Variants in NEIL3 observed in about 807,000 individuals in gnomAD.
NEIL3 encodes the protein endonuclease 8-like 3.
In NEIL3, 48 loss-of-function variants were observed where a neutral mutation model predicts 57.5. That is an observed-to-expected ratio of 0.83 (90% CI 0.66 to 1.06). The LOEUF (loss-of-function observed/expected upper bound fraction) is 1.06, where lower values mean the gene tolerates loss of function less well. Among genes scored for constraint, NEIL3 ranks in the 50% least tolerant of loss-of-function variants. The probability of loss-of-function intolerance (pLI) is 0.00; values close to 1 mark genes in which losing one functional copy is unlikely to be tolerated. For synonymous variants in NEIL3, 261 were observed against 253.2 expected, an observed-to-expected ratio of 1.03 and a Z score of -0.29; for missense variants, 717 against 739.1, an observed-to-expected ratio of 0.97 and a Z score of 0.35.
Position 177,362,372 on chromosome 4 carries a change from A to G in NEIL3, c.1719A>G (p.Gly573=). The G allele has an allele frequency of 1.2e-6, 2 of 1,613,850 alleles. No individual in the cohort carries two copies. The highest frequency in any genetic ancestry group is 2.2e-5 in the East Asian group (1 of 44,852). Residue 573 remains glycine, a synonymous_variant, in exon 10 of 10, where the codon GGA becomes GGG. Coordinates refer to ENST00000264596, the MANE Select transcript of NEIL3 (RefSeq NM_018248.3). ...KTVLKIGPNN[G]KNFFVCPLGK... Reference sequence around the variant, plus strand: ...TATTGAAGATTGGACCTAACAATGGAAAGAATTTTTTTGTGTGTCCTCTTG... The same window carrying G: ...TATTGAAGATTGGACCTAACAATGGGAAGAATTTTTTTGTGTGTCCTCTTG...
At chr4:177,330,946 A>G (rs370871930) in intron 2 of NEIL3, among the ~76,000 whole-genome samples, 84 of 152,324 alleles carry the variant, frequency 5.5e-4, no homozygotes, top group African/African-American at 1.9e-3. Flanking sequence ...GCTCACATAT[A>G]AACACTATGA....
rs138880296 is a variant in NEIL3, at chr4:177,347,125, C to T, written c.870-4255C>T. Among the ~76,000 whole-genome samples the T allele has an allele frequency of 2.2e-3, 337 of 152,126 alleles. 3 individuals carry two copies. Among genetic ancestry groups the T allele is most frequent in the Non-Finnish European group, 3.7e-3 (255 of 68,020 alleles). ...CCACAGTAGCGGATAGTGACGGAGA[C>T]GGCTCATTTTTGATAGGGTAGCAGA... On this transcript the variant is annotated intron_variant, in intron 6 of 9. Coordinates refer to ENST00000264596, the MANE Select transcript of NEIL3 (RefSeq NM_018248.3).
intron 8 of NEIL3, among the ~76,000 whole-genome samples, chr4:177,355,457 CTG>C (rs1212159923): frequency 6.6e-6 from 1 of 152,102 alleles, no homozygotes; most frequent in Non-Finnish European, 1.5e-5. Context: ...AATATAAAGG[CTG>C]TGTAAATAAT....
chr4:177,359,392 A>T (rs1164539147), intron 8 of NEIL3, among the ~76,000 whole-genome samples: 1 of 152,228 alleles, frequency 6.6e-6, no homozygotes, highest in Non-Finnish European at 1.5e-5. Flanking sequence ...AATGAATTTC[A>T]GTCCATTTAA....
At chr4:177,332,756 A>G (rs1304184885) in intron 2 of NEIL3, among the ~76,000 whole-genome samples, 5 of 152,104 alleles carry the variant, frequency 3.3e-5, no homozygotes, top group Admixed American at 1.3e-4. Flanking sequence ...AAAATTTTGC[A>G]GTTTTCTGCT....
chr4:177,326,880 G>A (rs1252560231), intron 2 of NEIL3, among the ~76,000 whole-genome samples: 2 of 151,948 alleles, frequency 1.3e-5, no homozygotes, highest in Non-Finnish European at 2.9e-5. Flanking sequence ...TGTGTATATT[G>A]ACCTTGTATC....
chr4:177,360,575 C>T lies in NEIL3; in HGVS notation c.1533C>T (p.Asn511=). 1 of 1,614,046 alleles carries T rather than the reference C, an allele frequency of 6.2e-7. No individual in the cohort carries two copies. The highest frequency in any genetic ancestry group is 8.5e-7 in the Non-Finnish European group (1 of 1,179,910). ...NPDSPRCSKH[N]RLCILRVVGK... The stretch of plus-strand genomic sequence containing the variant: ...ACAGCCCTCGCTGCAGTAAACACAA[C>T]CGCCTCTGCATTCTCCGAGTTGTGG... The change falls in exon 9 of 10, where the codon AAC becomes AAT. Residue 511 remains asparagine, a synonymous_variant. Transcript: ENST00000264596.
intron 1 of NEIL3, among the ~76,000 whole-genome samples, chr4:177,315,145 G>C (rs1040394754): frequency 6.6e-6 from 1 of 151,410 alleles, no homozygotes; most frequent in Admixed American, 6.6e-5. Context: ...GAGTATGAAA[G>C]TAAATATGGT....
In NEIL3 at chr4:177,341,523, G is replaced by A; in HGVS notation, c.750G>A (p.Lys250=). Residue 250 remains lysine, a synonymous_variant, in exon 6 of 10, where the codon AAG becomes AAA. Transcript: ENST00000264596. The part of the protein sequence containing the change: ...LALSKHYKVY[K]RPNCGQCHCR... ...TCTCTAAACACTATAAGGTTTACAA[G>A]CGTCCTAATTGTGGTCAGTGCCACT... The A allele has an allele frequency of 6.2e-7, 1 of 1,612,986 alleles. No homozygotes were observed. The highest frequency in any genetic ancestry group is 8.5e-7 in the Non-Finnish European group (1 of 1,179,704).
intron 6 of NEIL3, 79 bp downstream of exon 6, chr4:177,341,721 A>G (rs1735096752): frequency 8.2e-7 from 1 of 1,223,702 alleles, no homozygotes; most frequent in Non-Finnish European, 1.1e-6. Context: ...ATATAACTGA[A>G]TAACTGTCAG....
At chr4:177,344,751 G>A (rs574947891) in intron 6 of NEIL3, among the ~76,000 whole-genome samples, 9 of 151,976 alleles carry the variant, frequency 5.9e-5, no homozygotes, top group South Asian at 4.2e-4. Context: ...TAGTAGAGAC[G>A]GGGTTTCACC....
At chr4:177,365,566 T>C (rs1735683198), downstream of NEIL3, among the ~76,000 whole-genome samples, 1 of 152,136 alleles carries the variant, frequency 6.6e-6, no homozygotes, top group South Asian at 2.1e-4. Flanking sequence ...GAAAAAAAAT[T>C]TACTCTGACT....
chr4:177,310,146 G>T, intron 1 of NEIL3, 37 bp downstream of exon 1: 4 of 1,506,382 alleles, frequency 2.7e-6, no homozygotes, highest in East Asian at 2.6e-5. Flanking sequence ...CAGTCAGCAG[G>T]GGGGAAATGG....
At chr4:177,359,026 T>A (rs1252978323) in intron 8 of NEIL3, among the ~76,000 whole-genome samples, 1 of 152,234 alleles carries the variant, frequency 6.6e-6, no homozygotes, top group African/African-American at 2.4e-5. Flanking sequence ...TGTCCAGATA[T>A]CTGGCTTCCC....
chr4:177,328,714 A>G (rs1411353107), intron 2 of NEIL3, among the ~76,000 whole-genome samples: 1 of 152,226 alleles, frequency 6.6e-6, no homozygotes, highest in Non-Finnish European at 1.5e-5. Flanking sequence ...AATAACAGAC[A>G]GAAATCTGAA....
chr4:177,338,549 A>G (rs1735022703), intron 4 of NEIL3, among the ~76,000 whole-genome samples: 1 of 151,408 alleles, frequency 6.6e-6, no homozygotes, highest in Admixed American at 6.6e-5. Flanking sequence ...TCAGCTGTAC[A>G]TATAGATATT....
intron 2 of NEIL3, among the ~76,000 whole-genome samples, chr4:177,324,093 A>G (rs893444006): frequency 2.0e-5 from 3 of 152,156 alleles, no homozygotes; most frequent in Admixed American, 2.0e-4. Flanking sequence ...TCACAATGTA[A>G]CAGAAGTTCA....
At chr4:177,363,105 TAAAAGA>T (rs1735642499), downstream of NEIL3, among the ~76,000 whole-genome samples, 1 of 152,148 alleles carries the variant, frequency 6.6e-6, no homozygotes, top group African/African-American at 2.4e-5. Flanking sequence ...TGTAGGCGTT[TAAAAGA>T]GAGGTTGATT....
At chr4:177,317,597 CTTTTTTTTT>C (rs745358876) in intron 1 of NEIL3, among the ~76,000 whole-genome samples, 6 of 70,070 alleles carry the variant, frequency 8.6e-5, no homozygotes, top group Non-Finnish European at 1.3e-4. Context: ...ACTTTCTTTT[CTTTTTTTTT>C]TTTTTTTTTT....
Sources: allele counts gnomAD v4.1 joint callset (sites outside exome capture counted in the v4.1 genomes callset), GRCh38; gene constraint gnomAD v4.1.1; transcripts MANE v1.5; gene names NCBI Gene and HGNC (gene_info 2026-07-23, HGNC 2026-07-21).